CCDC174: variants seen among roughly 807,000 people sequenced by gnomAD.
The protein encoded by CCDC174 is coiled-coil domain containing 174.
Under a neutral mutation model 57.1 loss-of-function variants are expected in CCDC174, and 37 were observed. The ratio of observed to expected loss-of-function variants is 0.65; its 90% confidence interval spans 0.50 to 0.85. The LOEUF is 0.85. Ranked by LOEUF, CCDC174 falls within the 40% of genes least tolerant of loss-of-function variation. The pLI is 0.00. For missense variants in CCDC174, 540 were observed against 574.3 expected, an observed-to-expected ratio of 0.94 and a Z score of 0.61; for synonymous variants, 182 against 190.2, an observed-to-expected ratio of 0.96 and a Z score of 0.35.
intron 3 of CCDC174, among the ~76,000 whole-genome samples, chr3:14,658,637 T>C (rs1019586707): frequency 3.3e-5 from 5 of 152,182 alleles, no homozygotes; most frequent in African/African-American, 7.2e-5. Context: ...GACCAAGTAA[T>C]AAATAAGAGG....
At chr3:14,658,839 C>T in intron 3 of CCDC174, 32 bp from the exon 4 acceptor site, 1 of 1,535,612 alleles carries the variant, frequency 6.5e-7, no homozygotes, top group Non-Finnish European at 8.9e-7. Context: ...GTTATAAGAC[C>T]ATTTCTAATA....
At chr3:14,665,857 C>T (rs1163344289) in intron 6 of CCDC174, among the ~76,000 whole-genome samples, 2 of 149,200 alleles carry the variant, frequency 1.3e-5, no homozygotes, top group African/African-American at 2.5e-5. Context: ...AGTAAAACCC[C>T]GTCTCTACTG....
chr3:14,662,055 T>C (rs2031157973), intron 5 of CCDC174, among the ~76,000 whole-genome samples: 1 of 152,222 alleles, frequency 6.6e-6, no homozygotes, highest in South Asian at 2.1e-4. Flanking sequence ...GCCTTCCTTT[T>C]GTACCTGTGC....
At chr3:14,670,670 G>A (rs1004900570) in intron 10 of CCDC174, among the ~76,000 whole-genome samples, 14 of 152,154 alleles carry the variant, frequency 9.2e-5, no homozygotes, top group African/African-American at 3.4e-4. Flanking sequence ...CTCTTTTTCT[G>A]TATTTCCCCA....
intron 4 of CCDC174, among the ~76,000 whole-genome samples, chr3:14,660,578 T>C (rs1225057238): frequency 1.3e-5 from 2 of 152,224 alleles, no homozygotes; most frequent in African/African-American, 2.4e-5. Context: ...GTTGTTAATA[T>C]AGAAATCAGG....
At chr3:14,659,089 A>C (rs1490805852) in intron 4 of CCDC174, among the ~76,000 whole-genome samples, 160 bp downstream of exon 4, 1 of 152,228 alleles carries the variant, frequency 6.6e-6, no homozygotes, top group East Asian at 1.9e-4. Flanking sequence ...GCAATAATTT[A>C]CCAATTGTCT....
intron 7 of CCDC174, 76 bp downstream of exon 7, chr3:14,667,023 C>T: frequency 7.1e-6 from 9 of 1,264,010 alleles, no homozygotes; most frequent in South Asian, 1.4e-5. Flanking sequence ...GGGAAGTATT[C>T]ATAAAGCAAT....
rs914503749 is a variant in CCDC174, at chr3:14,666,724, T to C, written c.582-81T>C. 1.1e-5 allele frequency: 12 copies of C among 1,110,096 alleles called. No homozygotes were observed. In the African/African-American group the frequency reaches 1.5e-4, roughly 13 times the overall value. The allele number at this position is 1,110,096 out of a possible 1,614,324, so 68.8% of individuals were successfully genotyped here. A position where few individuals can be genotyped will look rare whatever the true frequency, so the allele number is the denominator to read the frequency against. ...TTTCTTTATCAAATAGTGTTACTTA[T>C]GCATGATGCAACTGACTGTACTTAA... On this transcript the variant is annotated intron_variant, in intron 6 of 10. Transcript: ENST00000383794.
intron 3 of CCDC174, among the ~76,000 whole-genome samples, chr3:14,657,174 G>A (rs766222537): frequency 6.6e-6 from 1 of 152,146 alleles, no homozygotes; most frequent in Non-Finnish European, 1.5e-5. Flanking sequence ...CTTTTTCTAT[G>A]CAGTAACTTT....
At chr3:14,670,678 C>G (rs1575074561) in intron 10 of CCDC174, among the ~76,000 whole-genome samples, 1 of 152,166 alleles carries the variant, frequency 6.6e-6, no homozygotes, top group African/African-American at 2.4e-5. Context: ...CTGTATTTCC[C>G]CATCTAGAGA....
At chr3:14,667,560 G>T (rs765821958) in intron 8 of CCDC174, 42 bp downstream of exon 8, 1 of 1,483,236 alleles carries the variant, frequency 6.7e-7, no homozygotes, top group South Asian at 1.1e-5. Flanking sequence ...AGATGTGAGC[G>T]CTTGGTTTCT....
chr3:14,666,331 G>C (rs2031337712), intron 6 of CCDC174, among the ~76,000 whole-genome samples: 1 of 152,092 alleles, frequency 6.6e-6, no homozygotes, highest in Admixed American at 6.5e-5. Flanking sequence ...GAGTAAGAAG[G>C]GTGAAGGCTG....
At chr3:14,656,974 C>G (rs2030979048) in intron 3 of CCDC174, among the ~76,000 whole-genome samples, 1 of 152,148 alleles carries the variant, frequency 6.6e-6, no homozygotes, top group African/African-American at 2.4e-5. Context: ...AATATTAGCC[C>G]ATTTGGGGAC....
At chr3:14,670,147 C>G in intron 10 of CCDC174, 61 bp downstream of exon 10, 1 of 1,520,404 alleles carries the variant, frequency 6.6e-7, no homozygotes. Context: ...GGTTTTTTTT[C>G]TAGAAGCACT....
intron 7 of CCDC174, chr3:14,667,198 A>G: frequency 1.6e-6 from 1 of 615,012 alleles, no homozygotes; most frequent in East Asian, 2.8e-5. Context: ...CATGGCTGAA[A>G]GCAAACGAAC....
chr3:14,667,586 C>T, intron 8 of CCDC174, 68 bp downstream of exon 8: 1 of 1,125,452 alleles, frequency 8.9e-7, no homozygotes, highest in Non-Finnish European at 1.3e-6. Context: ...GACCATACTG[C>T]AGAAAAATCT....
intron 5 of CCDC174, among the ~76,000 whole-genome samples, chr3:14,662,288 T>C (rs2031165522): frequency 6.6e-6 from 1 of 152,104 alleles, no homozygotes; most frequent in Non-Finnish European, 1.5e-5. Context: ...CATTATAAAA[T>C]AGAGATTATA....
At chr3:14,658,779 G>A in intron 3 of CCDC174, 92 bp from the exon 4 acceptor site, 2 of 1,361,268 alleles carry the variant, frequency 1.5e-6, no homozygotes, top group East Asian at 2.7e-5. Context: ...GGGCCTCATG[G>A]GCAGATGGTA....
intron 4 of CCDC174, among the ~76,000 whole-genome samples, chr3:14,661,019 T>C (rs138736452): frequency 1.3e-5 from 2 of 152,356 alleles, no homozygotes; most frequent in East Asian, 3.9e-4. Context: ...CTGGAATTGG[T>C]GTTCATTGGC....
Sources: allele counts gnomAD v4.1 joint callset (sites outside exome capture counted in the v4.1 genomes callset), GRCh38; gene constraint gnomAD v4.1.1; transcripts MANE v1.5; gene names NCBI Gene and HGNC (gene_info 2026-07-23, HGNC 2026-07-21).